The following FBXO28 variants were observed in gnomAD, a reference collection of about 807,000 sequenced individuals.
FBXO28 encodes F-box protein 28, also known as F-box only protein 28.
FBXO28 carries 8 observed loss-of-function variants against 38.1 expected under a neutral mutation model. The ratio of observed to expected loss-of-function variants is 0.21; its 90% confidence interval spans 0.12 to 0.38. FBXO28 has a LOEUF of 0.38. Ranked by LOEUF, FBXO28 falls within the 10% of genes least tolerant of loss-of-function variation. The pLI is 1.00. For missense variants in FBXO28, 345 were observed against 460.6 expected (o/e 0.75, Z 2.30); for synonymous variants, 168 against 173.8 (o/e 0.97, Z 0.26).
chr1:224,128,621 G>A (rs1656960666), intron 1 of FBXO28, among the ~76,000 whole-genome samples: 2 of 152,048 alleles, frequency 1.3e-5, no homozygotes, highest in Non-Finnish European at 2.9e-5. Flanking sequence ...AGATGACTTG[G>A]ACAAGAATGC....
chr1:224,122,215 C>T (rs1347280826), intron 1 of FBXO28, among the ~76,000 whole-genome samples: 2 of 152,172 alleles, frequency 1.3e-5, no homozygotes, highest in African/African-American at 2.4e-5. Context: ...GTGATTCGTT[C>T]ATTATTCATT....
At chr1:224,131,494 A>C (rs1657047980) in intron 2 of FBXO28, among the ~76,000 whole-genome samples, 1 of 152,196 alleles carries the variant, frequency 6.6e-6, no homozygotes, top group Non-Finnish European at 1.5e-5. Flanking sequence ...AAAGAAGCAA[A>C]AGCAAAAGTC....
At chr1:224,128,875 A>G (rs537981415) in intron 1 of FBXO28, among the ~76,000 whole-genome samples, 1 of 150,916 alleles carries the variant, frequency 6.6e-6, no homozygotes, top group Non-Finnish European at 1.5e-5. Context: ...TGTCTCAGCT[A>G]CTTGGGAGGC....
At chr1:224,127,530 G>A (rs1300822101) in intron 1 of FBXO28, among the ~76,000 whole-genome samples, 1 of 152,106 alleles carries the variant, frequency 6.6e-6, no homozygotes, top group East Asian at 1.9e-4. Flanking sequence ...TATGTATTGT[G>A]TTTATGTCTT....
chr1:224,151,429 C>A (rs1216231381), intron 3 of FBXO28, among the ~76,000 whole-genome samples: 1 of 152,200 alleles, frequency 6.6e-6, no homozygotes, highest in Non-Finnish European at 1.5e-5. Flanking sequence ...ATTTATTAAG[C>A]ATACATCATG....
chr1:224,134,304 TGTTTCTACTTCTCTGA>T, intron 3 of FBXO28, 92 bp downstream of exon 3: 1 of 1,255,114 alleles, frequency 8.0e-7, no homozygotes, highest in Non-Finnish European at 1.1e-6. Flanking sequence ...ATGTTAGAAT[TGTTTCTACTTCTCTGA>T]GTTTCTACTA....
chr1:224,125,498 T>G (rs1210916226), intron 1 of FBXO28, among the ~76,000 whole-genome samples: 1 of 152,180 alleles, frequency 6.6e-6, no homozygotes, highest in Non-Finnish European at 1.5e-5. Context: ...GAACCACGTC[T>G]TTAGTCCTGG....
chr1:224,130,803 C>T (rs2102616884), intron 2 of FBXO28: 1 of 427,844 alleles, frequency 2.3e-6, no homozygotes, highest in Non-Finnish European at 4.2e-6. Context: ...AAATGAAATA[C>T]AAGGCATCCA....
intron 4 of FBXO28, among the ~76,000 whole-genome samples, chr1:224,156,719 A>G (rs6426161): frequency 0.99 from 150,293 of 152,322 alleles, 74,174 homozygotes; most frequent in Middle Eastern, 1. Flanking sequence ...TTATTTTCTG[A>G]CCGGGCGCAG....
intron 3 of FBXO28, among the ~76,000 whole-genome samples, chr1:224,148,494 C>CA (rs879444877): frequency 1.2e-4 from 18 of 150,892 alleles, no homozygotes; most frequent in South Asian, 1.1e-3. Context: ...ACTAAAAATA[C>CA]AAAAAAAAGA....
At chr1:224,141,616 A>G (rs1263326979) in intron 3 of FBXO28, among the ~76,000 whole-genome samples, 2 of 152,230 alleles carry the variant, frequency 1.3e-5, no homozygotes, top group Non-Finnish European at 1.5e-5. Flanking sequence ...CACATAGGCT[A>G]TATGGTATAG....
rs751173734 is a variant in FBXO28, at chr1:224,114,434, C to G, written c.267+38C>G. 1.1e-5 allele frequency: 15 copies of G among 1,416,624 alleles called. No individual in the cohort carries two copies. The South Asian group carries it at 1.9e-4, about 18-fold the overall frequency. The allele number at this position is 1,416,624 out of a possible 1,614,324, so 87.8% of individuals were successfully genotyped here. ...CAGAACTCCTGCCTCCCTCTCCCCC[C>G]GGCCGAGGTCTGGGAGATGAGAAGG... On this transcript the variant is annotated intron_variant, in intron 1 of 4. Transcript: ENST00000366862.
rs1339947659 is a variant in FBXO28, at chr1:224,114,204, C to T, written c.75C>T (p.Ala25=). ...AAGGCGACGGCGGTTCCTCTTTGGCCTCCGGCTCTACCCAGCGACAGCCTC... is the reference window on the plus strand; with the variant it reads ...AAGGCGACGGCGGTTCCTCTTTGGCTTCCGGCTCTACCCAGCGACAGCCTC... ...GGQGDGGSSL[A]SGSTQRQPPP... is the part of the protein sequence containing the mutation. Residue 25 remains alanine (A), a synonymous_variant, in exon 1 of 5, where the codon GCC becomes GCT. Transcript: ENST00000366862. 2 of 1,549,210 alleles carry T rather than the reference C, an allele frequency of 1.3e-6. No homozygotes were observed. The highest frequency in any genetic ancestry group is 1.2e-5 in the South Asian group (1 of 84,020).
In FBXO28 at chr1:224,157,829, T is replaced by G; in HGVS notation, c.*83T>G. ...GCATATCAGGATACTGTGAGCAACA[T>G]GGTGTCCCTTAAGCTTCTAGGCTTT... is the stretch of plus-strand genomic sequence containing the variant. On this transcript the variant is annotated 3_prime_UTR_variant, in exon 5 of 5. Transcript: ENST00000366862. The G allele has an allele frequency of 6.7e-7, 1 of 1,496,086 alleles. No individual in the cohort carries two copies. The highest frequency in any genetic ancestry group is 8.9e-7 in the Non-Finnish European group (1 of 1,127,640). The allele number at this position is 1,496,086 out of a possible 1,614,324, so 92.7% of individuals were successfully genotyped here. A position where few individuals can be genotyped will look rare whatever the true frequency, so the allele number is the denominator to read the frequency against.
chr1:224,158,186 C>A lies in FBXO28; in HGVS notation c.*440C>A, dbSNP rs1025291165. ...TATCTTGGTTCTTTTTTTTTTAAGTCATCTTTTTGTTATAAGTGACCTTTG... is the reference window on the plus strand; with the variant it reads ...TATCTTGGTTCTTTTTTTTTTAAGTAATCTTTTTGTTATAAGTGACCTTTG... On this transcript the variant is annotated 3_prime_UTR_variant, in exon 5 of 5. Transcript: ENST00000366862. 4.8e-5 allele frequency: 47 copies of A among 985,866 alleles called. No individual in the cohort carries two copies. The highest frequency in any genetic ancestry group is 5.7e-5 in the Non-Finnish European group (47 of 830,648). The allele number at this position is 985,866 out of a possible 1,614,324, so 61.1% of individuals were successfully genotyped here.
intron 1 of FBXO28, among the ~76,000 whole-genome samples, chr1:224,119,982 G>C (rs1185683694): frequency 1.3e-5 from 2 of 152,116 alleles, no homozygotes; most frequent in African/African-American, 2.4e-5. Context: ...TCTTTTGGTG[G>C]GTGGAGCAAA....
intron 2 of FBXO28, among the ~76,000 whole-genome samples, chr1:224,132,917 A>C (rs59162484): frequency 0.014 from 2,117 of 152,284 alleles, 56 homozygotes; most frequent in African/African-American, 0.048. Flanking sequence ...TGAAAACATA[A>C]TGTTTGCACA....
intron 1 of FBXO28, among the ~76,000 whole-genome samples, chr1:224,123,403 A>G (rs1656824549): frequency 8.0e-6 from 1 of 124,628 alleles, no homozygotes; most frequent in Non-Finnish European, 1.6e-5. Context: ...TGATCGTGCC[A>G]CTCCACTCCA....
chr1:224,123,424 C>T (rs1572006971), intron 1 of FBXO28, among the ~76,000 whole-genome samples: 1 of 90,516 alleles, frequency 1.1e-5, no homozygotes. Context: ...GCCTGGGCAA[C>T]AGAGGGAGAC....
Sources: gnomAD v4.1 joint callset for allele counts (sites outside exome capture counted in the v4.1 genomes callset) on GRCh38, gnomAD v4.1.1 for gene constraint, MANE v1.5 for transcripts, NCBI Gene and HGNC (gene_info 2026-07-23, HGNC 2026-07-21) for gene names.